The following MDGA2 variants were observed in gnomAD, a reference collection of about 807,000 sequenced individuals.
MDGA2 encodes MAM domain-containing glycosylphosphatidylinositol anchor protein 2.
Under a neutral mutation model 117.8 loss-of-function variants are expected in MDGA2, and 40 were observed. The observed-to-expected ratio is 0.34, with a 90% CI of 0.26 to 0.44. The LOEUF (loss-of-function observed/expected upper bound fraction) is 0.44. MDGA2 is among the 20% of genes least tolerant of loss of function. The pLI is 1.00. For missense variants in MDGA2, 1,123 were observed against 1,250.6 expected (o/e 0.90, Z 1.54); for synonymous variants, 452 against 439.0 (o/e 1.03, Z -0.37).
chr14:47,510,535 T>G (rs1176744454), intron 1 of MDGA2, among the ~76,000 whole-genome samples: 1 of 152,220 alleles, frequency 6.6e-6, no homozygotes, highest in African/African-American at 2.4e-5. Context: ...ATTGTGATTG[T>G]TTAACTCAAT....
chr14:47,587,071 A>G (rs1896339089), intron 1 of MDGA2, among the ~76,000 whole-genome samples: 1 of 151,922 alleles, frequency 6.6e-6, no homozygotes, highest in East Asian at 1.9e-4. Context: ...AGAAAATCAA[A>G]CACTGCCTGT....
At position 47,485,876 on chromosome 14, in the gene MDGA2, T is replaced by C. The variant is rs947103431; in HGVS notation, c.281-184326A>G. 3.9e-5 allele frequency among the ~76,000 whole-genome samples: 6 copies of C among 152,176 alleles called. No homozygotes were observed. In the South Asian group the frequency reaches 1.2e-3, roughly 31 times the overall value. ...CTCTGCCTAGATTTCAGAAGATGTA[T>C]GAAAATCCCTGGATGTCCAGGCAGA... On this transcript the variant is annotated intron_variant, in intron 1 of 16. Coordinates refer to ENST00000399232, the MANE Select transcript of MDGA2 (RefSeq NM_001113498.3).
intron 1 of MDGA2, among the ~76,000 whole-genome samples, chr14:47,671,830 C>CT (rs1291680052): frequency 1.3e-5 from 2 of 152,184 alleles, no homozygotes; most frequent in East Asian, 1.9e-4. Flanking sequence ...CAATTGATTC[C>CT]TTTTTTTGAT....
intron 1 of MDGA2, among the ~76,000 whole-genome samples, chr14:47,394,431 C>G (rs941914834): frequency 6.6e-6 from 1 of 152,136 alleles, no homozygotes; most frequent in Non-Finnish European, 1.5e-5. Flanking sequence ...CCATCTTAAA[C>G]TTAACCTCAA....
At chr14:47,592,186 G>A (rs1434725689) in intron 1 of MDGA2, among the ~76,000 whole-genome samples, 1 of 151,998 alleles carries the variant, frequency 6.6e-6, no homozygotes, top group East Asian at 1.9e-4. Context: ...ACAAACAATG[G>A]AAGTGAAGAA....
chr14:47,492,271 A>G (rs1371098721), intron 1 of MDGA2, among the ~76,000 whole-genome samples: 8 of 152,108 alleles, frequency 5.3e-5, no homozygotes, highest in Admixed American at 3.3e-4. Context: ...TTTTGGTGTC[A>G]ACAACTAACA....
intron 1 of MDGA2, among the ~76,000 whole-genome samples, chr14:47,432,095 G>A (rs1041905095): frequency 1.3e-5 from 2 of 152,032 alleles, no homozygotes; most frequent in East Asian, 3.9e-4. Context: ...TACTCTAAAT[G>A]ACTGTGCTAA....
chr14:47,654,128 G>A (rs1191791645), intron 1 of MDGA2, among the ~76,000 whole-genome samples: 1 of 152,142 alleles, frequency 6.6e-6, no homozygotes, highest in African/African-American at 2.4e-5. Context: ...TACAAATTGT[G>A]TAAAAATTCC....
intron 1 of MDGA2, among the ~76,000 whole-genome samples, chr14:47,361,253 AT>A (rs1555376256): frequency 6.7e-6 from 1 of 150,316 alleles, no homozygotes; most frequent in Non-Finnish European, 1.5e-5. Flanking sequence ...CAACACACAA[AT>A]AAACATCAGA....
chr14:47,598,054 T>C (rs888968188), intron 1 of MDGA2, among the ~76,000 whole-genome samples: 5 of 152,002 alleles, frequency 3.3e-5, no homozygotes, highest in African/African-American at 1.2e-4. Context: ...GCCATAACCA[T>C]GCAAAAAGGC....
chr14:46,929,624 TATATATATATATATATATATATAC>T (rs1566530280), intron 9 of MDGA2, among the ~76,000 whole-genome samples: 32 of 34,174 alleles, frequency 9.4e-4, no homozygotes, highest in Non-Finnish European at 1.6e-3. Context: ...TATATATATA[TATATATATATATATATATATATAC>T]ATTTTTTTTT....
rs185098817 is a variant in MDGA2 at position 47,516,784 on chromosome 14, A to G, written c.280+157733T>C. On this transcript the variant is annotated intron_variant, in intron 1 of 16. Coordinates refer to ENST00000399232, the MANE Select transcript of MDGA2 (RefSeq NM_001113498.3). Reference sequence around the variant, plus strand: ...GATCAAGATGTACATCAAGTTAGAAAAATCTTATTTTGCAGATACGCAGGC... The same window carrying G: ...GATCAAGATGTACATCAAGTTAGAAGAATCTTATTTTGCAGATACGCAGGC... 2.5e-4 allele frequency among the ~76,000 whole-genome samples: 38 copies of G among 152,312 alleles called. No individual in the cohort carries two copies. The East Asian group carries it at 4.6e-3, about 19-fold the overall frequency.
intron 1 of MDGA2, among the ~76,000 whole-genome samples, chr14:47,464,278 T>C (rs1184743267): frequency 6.6e-6 from 1 of 152,078 alleles, no homozygotes; most frequent in Non-Finnish European, 1.5e-5. Context: ...ATTCTCTTTC[T>C]CACAAGTATT....
chr14:47,154,483 G>A (rs528327226), intron 3 of MDGA2, among the ~76,000 whole-genome samples: 2 of 152,248 alleles, frequency 1.3e-5, no homozygotes, highest in Admixed American at 6.5e-5. Flanking sequence ...CAGTGGACCC[G>A]GACATCCCTG....
chr14:46,899,930 T>C (rs1009716954), intron 10 of MDGA2, among the ~76,000 whole-genome samples: 1 of 151,888 alleles, frequency 6.6e-6, no homozygotes, highest in South Asian at 2.1e-4. Context: ...TAAAGAAATA[T>C]GTAGGAAAGA....
chr14:47,453,798 T>C (rs1026820542), intron 1 of MDGA2, among the ~76,000 whole-genome samples: 1 of 152,184 alleles, frequency 6.6e-6, no homozygotes, highest in Non-Finnish European at 1.5e-5. Flanking sequence ...ATAGCCAGTT[T>C]ATAAAAGGAG....
chr14:47,602,842 C>A (rs935214714), intron 1 of MDGA2, among the ~76,000 whole-genome samples: 1 of 152,094 alleles, frequency 6.6e-6, no homozygotes, highest in African/African-American at 2.4e-5. Context: ...CTCCACAGTG[C>A]GGAACGTTAG....
chr14:46,856,856 C>T (rs542256923), intron 14 of MDGA2, among the ~76,000 whole-genome samples: 4 of 151,986 alleles, frequency 2.6e-5, no homozygotes, highest in South Asian at 2.1e-4. Context: ...TCTCCTTTTA[C>T]TATGCGTTAG....
At chr14:46,942,060 G>A (rs1441380370) in intron 9 of MDGA2, among the ~76,000 whole-genome samples, 1 of 152,026 alleles carries the variant, frequency 6.6e-6, no homozygotes, top group African/African-American at 2.4e-5. Flanking sequence ...CCAACAAATT[G>A]GGTCTTTCTA....
Sources: gnomAD v4.1 joint callset for allele counts (sites outside exome capture counted in the v4.1 genomes callset) on GRCh38, gnomAD v4.1.1 for gene constraint, MANE v1.5 for transcripts, NCBI Gene and HGNC (gene_info 2026-07-23, HGNC 2026-07-21) for gene names.